AKR7A3: variants seen among roughly 807,000 people sequenced by gnomAD.
The protein encoded by AKR7A3 is AFB1 aldehyde reductase 2.
Under a neutral mutation model 32.5 loss-of-function variants are expected in AKR7A3, and 37 were observed. The observed-to-expected ratio is 1.14, with a 90% CI of 0.88 to 1.50. The LOEUF is 1.50. AKR7A3 is among the 40% of genes most tolerant of loss of function. The pLI is 0.00. For synonymous variants in AKR7A3, 177 were observed against 188.4 expected, an observed-to-expected ratio of 0.94 and a Z score of 0.50; for missense variants, 412 against 453.2, an observed-to-expected ratio of 0.91 and a Z score of 0.83.
At chr1:19,280,331 C>A (rs1400868752), downstream of AKR7A3, among the ~76,000 whole-genome samples, 5 of 151,354 alleles carry the variant, frequency 3.3e-5, no homozygotes, top group African/African-American at 4.9e-5. Flanking sequence ...GCAACCTCTG[C>A]CTCCTGGGTT....
the AKR7A3 span, among the ~76,000 whole-genome samples, chr1:19,276,260 G>A: frequency 3.3e-4 from 50 of 150,626 alleles, 1 homozygote; most frequent in African/African-American, 1.2e-3. Context: ...TACTCGGGAG[G>A]CTGAAGCAAA....
At chr1:19,283,500 T>C (rs933524594) in intron 6 of AKR7A3, among the ~76,000 whole-genome samples, 1 of 151,896 alleles carries the variant, frequency 6.6e-6, no homozygotes, top group Non-Finnish European at 1.5e-5. Flanking sequence ...GCAATGAAGC[T>C]CTCATTACAA....
rs1249459229 is a variant in AKR7A3 at position 19,286,172 on chromosome 1, G to A, written c.402+13C>T. On this transcript the variant is annotated intron_variant, in intron 2 of 6. Coordinates refer to ENST00000361640, the MANE Select transcript of AKR7A3 (RefSeq NM_012067.3). Reference sequence around the variant, plus strand: ...GCAGTGGACCACCTCCCAGAGCTCAGGGGTCCCCTCACCTCCTGGTGCAGC... The same window carrying A: ...GCAGTGGACCACCTCCCAGAGCTCAAGGGTCCCCTCACCTCCTGGTGCAGC... The A allele has an allele frequency of 1.2e-6, 2 of 1,612,094 alleles. No individual in the cohort carries two copies. The highest frequency in any genetic ancestry group is 1.7e-6 in the Non-Finnish European group (2 of 1,179,674).
At chr1:19,274,950 T>C in the AKR7A3 span, among the ~76,000 whole-genome samples, 2 of 62,238 alleles carry the variant, frequency 3.2e-5, no homozygotes, top group Admixed American at 1.7e-4. Flanking sequence ...GAAAAACCAA[T>C]AGCAAGATTA....
At chr1:19,278,474 T>C (rs2093714137), downstream of AKR7A3, among the ~76,000 whole-genome samples, 2 of 151,644 alleles carry the variant, frequency 1.3e-5, no homozygotes. Flanking sequence ...GGCAAGATAA[T>C]TGGTTGAACC....
chr1:19,286,413 G>C (rs370851554), intron 1 of AKR7A3, 41 bp from the exon 2 acceptor site: 16 of 1,595,942 alleles, frequency 1.0e-5, no homozygotes, highest in Non-Finnish European at 1.3e-5. Context: ...CAGGCGCCGT[G>C]GCTCATGCCT....
In AKR7A3 at chr1:19,285,098, A is replaced by G. The variant is rs372178245; in HGVS notation, c.524T>C (p.Ile175Thr). Reference sequence around the variant, plus strand: ...GAGCTCCGTTTCCACCTGCCGGGTGATGGCATTGTACATGCCCTGTAAGGA... The same window carrying G: ...GAGCTCCGTTTCCACCTGCCGGGTGGTGGCATTGTACATGCCCTGTAAGGA... ...PTVYQGMYNAITRQVETELFP... is the reference protein window; with the variant it reads ...PTVYQGMYNATTRQVETELFP... The change falls in exon 4 of 7, where the codon ATC (isoleucine) becomes ACC (threonine). Residue 175 changes from isoleucine to threonine, a missense_variant. Transcript: ENST00000361640. 1.7e-4 allele frequency: 277 copies of G among 1,613,522 alleles called. 3 individuals carry two copies. In the South Asian group the frequency reaches 2.5e-3, roughly 15 times the overall value.
Position 19,288,489 on chromosome 1 carries a change from C to A in AKR7A3, c.214+7G>T, listed in dbSNP as rs773361501. On this transcript the variant is annotated splice_region_variant and intron_variant, in intron 1 of 6. Transcript: ENST00000361640. ...CGTGCAGGGGGAGGATCAGGGGCCA[C>A]TGTTACCTCTGCAGTCGCTGCCGCC... 436 of 1,610,040 alleles carry A rather than the reference C, an allele frequency of 2.7e-4. No homozygotes were observed. The highest frequency in any genetic ancestry group is 3.5e-4 in the Non-Finnish European group (412 of 1,179,180).
downstream of AKR7A3, among the ~76,000 whole-genome samples, chr1:19,280,614 A>C (rs2093717328): frequency 6.6e-6 from 1 of 150,714 alleles, no homozygotes; most frequent in Non-Finnish European, 1.5e-5. Context: ...TCTGTCGCCC[A>C]GGCTGGAGTG....
At chr1:19,287,979 G>A (rs963574278) in intron 1 of AKR7A3, among the ~76,000 whole-genome samples, 1 of 152,208 alleles carries the variant, frequency 6.6e-6, no homozygotes, top group African/African-American at 2.4e-5. Flanking sequence ...GTACCACAAG[G>A]TACTCAGAGC....
chr1:19,280,727 C>T (rs1340225855), downstream of AKR7A3, among the ~76,000 whole-genome samples: 2 of 151,418 alleles, frequency 1.3e-5, 1 homozygote, highest in Non-Finnish European at 2.9e-5. Flanking sequence ...CCCGCCACCA[C>T]GCCCAGCTAA....
chr1:19,276,772 A>T, the AKR7A3 span, among the ~76,000 whole-genome samples: 1 of 151,828 alleles, frequency 6.6e-6, no homozygotes, highest in Non-Finnish European at 1.5e-5. Context: ...ACTGCATTCC[A>T]GCCTGGACAA....
At chr1:19,282,529 G>A, downstream of AKR7A3, 1 of 849,316 alleles carries the variant, frequency 1.2e-6, no homozygotes. Flanking sequence ...CCCAGTCTCA[G>A]GTATTCTTTT....
At chr1:19,285,429 T>G (rs1041029703) in intron 3 of AKR7A3, among the ~76,000 whole-genome samples, 17 of 151,488 alleles carry the variant, frequency 1.1e-4, no homozygotes, top group Non-Finnish European at 1.5e-5. Flanking sequence ...CATGAGGCAA[T>G]CATAATAGAC....
the AKR7A3 span, among the ~76,000 whole-genome samples, chr1:19,274,899 C>CAAAAAACAAAAAAAAAAAAA: frequency 2.3e-5 from 1 of 44,314 alleles, no homozygotes; most frequent in Non-Finnish European, 4.0e-5. Flanking sequence ...TCTCTAAATA[C>CAAAAAACAAAAAAAAAAAAA]AAAAAAAAAA....
Position 19,286,345 on chromosome 1 carries a change from A to C in AKR7A3, c.242T>G (p.Leu81Arg), listed in dbSNP as rs778393096. 1.2e-6 allele frequency: 2 copies of C among 1,613,716 alleles called. No individual in the cohort carries two copies. The highest frequency in any genetic ancestry group is 8.5e-7 in the Non-Finnish European group (1 of 1,180,028). The stretch of plus-strand genomic sequence containing the variant: ...GTCAGGCTTCAGGGAGTTCCCAAAC[A>C]GTGGAATGGCCTTGGTATCAATTTT... Reference protein sequence around the residue: ...RVKIDTKAIPLFGNSLKPDSL... With the variant: ...RVKIDTKAIPRFGNSLKPDSL... The change falls in exon 2 of 7, where the codon CTG (leucine) becomes CGG (arginine). Residue 81 changes from leucine (L) to arginine (R), a missense_variant. Coordinates refer to ENST00000361640, the MANE Select transcript of AKR7A3 (RefSeq NM_012067.3).
Position 19,284,723 on chromosome 1 carries a change from A to C in AKR7A3, c.667T>G (p.Phe223Val). The stretch of plus-strand genomic sequence containing the variant: ...ATCTCTGCCCAGGTATTCCCAAAGA[A>C]GCGGCCCACGGGCTGTTTCCCATTC... ...DKNGKQPVGR[F>V]FGNTWAEMYR... Residue 223 changes from phenylalanine (F) to valine (V), a missense_variant, in exon 5 of 7, where the codon TTC (phenylalanine) becomes GTC (valine). Transcript: ENST00000361640. 1 of 1,613,816 alleles carries C rather than the reference A, an allele frequency of 6.2e-7. No homozygotes were observed. The highest frequency in any genetic ancestry group is 1.1e-5 in the South Asian group (1 of 91,074).
At position 19,282,788 on chromosome 1, in the gene AKR7A3, G is replaced by A. The variant is rs17852953; in HGVS notation, c.939C>T (p.Asp313=). Residue 313 remains aspartate (D), a synonymous_variant, in exon 7 of 7, where the codon GAC becomes GAT. Coordinates refer to ENST00000361640, the MANE Select transcript of AKR7A3 (RefSeq NM_012067.3). ...CCAAATGCCAGGCTTGATTAAAGGC[G>A]TCCACGACAGCCGGCTCCAGGGGCC... The part of the protein sequence containing the change: ...EEGPLEPAVV[D]AFNQAWHLVT... 12,414 of 1,613,578 alleles carry A rather than the reference G, an allele frequency of 7.7e-3. 438 individuals carry two copies. The highest frequency in any genetic ancestry group is 0.059 in the East Asian group (2,669 of 44,872).
downstream of AKR7A3, among the ~76,000 whole-genome samples, chr1:19,278,684 G>A (rs544260736): frequency 6.6e-6 from 1 of 152,016 alleles, no homozygotes; most frequent in African/African-American, 2.4e-5. Context: ...ATTCAGAGGT[G>A]TACAACCATC....
Sources: gnomAD v4.1 joint callset for allele counts (sites outside exome capture counted in the v4.1 genomes callset) on GRCh38, gnomAD v4.1.1 for gene constraint, MANE v1.5 for transcripts, NCBI Gene and HGNC (gene_info 2026-07-23, HGNC 2026-07-21) for gene names.